MALRD1: variants seen among roughly 807,000 people sequenced by gnomAD.
MALRD1 encodes the protein MAM and LDL-receptor class A domain-containing protein 1.
A neutral mutation model predicts 242.1 loss-of-function variants in MALRD1; 247 were observed. That is an observed-to-expected ratio of 1.02 (90% CI 0.92 to 1.13). MALRD1 has a LOEUF of 1.13. Ranked by LOEUF, MALRD1 falls within the 50% of genes most tolerant of loss-of-function variation. The pLI, the probability that MALRD1 is intolerant of heterozygous loss-of-function variation, is 0.00. For missense variants in MALRD1, 2,989 were observed against 2,533.1 expected (o/e 1.18, Z -3.86); for synonymous variants, 995 against 866.6 (o/e 1.15, Z -2.60).
intron 33 of MALRD1, among the ~76,000 whole-genome samples, chr10:19,572,928 C>G (rs1020160371): frequency 1.3e-5 from 2 of 152,218 alleles, no homozygotes; most frequent in African/African-American, 4.8e-5. Flanking sequence ...ATTCAGACTT[C>G]TGGCCTCCAC....
At chr10:19,119,712 A>G (rs180837745) in intron 5 of MALRD1, among the ~76,000 whole-genome samples, 85 of 152,314 alleles carry the variant, frequency 5.6e-4, no homozygotes, top group African/African-American at 1.9e-3. Flanking sequence ...CTCCTAAACT[A>G]TAATTTCTAT....
chr10:19,271,503 G>A (rs909685197), intron 19 of MALRD1, among the ~76,000 whole-genome samples: 1 of 152,174 alleles, frequency 6.6e-6, no homozygotes, highest in African/African-American at 2.4e-5. Flanking sequence ...GGTGGCTCAT[G>A]CCTGTAATCC....
chr10:19,541,223 A>G (rs1237508565), intron 32 of MALRD1, among the ~76,000 whole-genome samples: 1 of 152,164 alleles, frequency 6.6e-6, no homozygotes, highest in Non-Finnish European at 1.5e-5. Context: ...CTTCATGGCC[A>G]TTGTTTTTAC....
intron 28 of MALRD1, among the ~76,000 whole-genome samples, chr10:19,424,541 A>G (rs1472274853): frequency 6.6e-6 from 1 of 152,218 alleles, no homozygotes; most frequent in Admixed American, 6.5e-5. Flanking sequence ...TTTTCTACAC[A>G]AAAACATACA....
At chr10:19,204,101 T>C (rs577635004) in intron 15 of MALRD1, among the ~76,000 whole-genome samples, 1 of 152,320 alleles carries the variant, frequency 6.6e-6, no homozygotes, top group South Asian at 2.1e-4. Flanking sequence ...AAATTACCAA[T>C]GGTCTTTGGT....
At chr10:19,701,630 A>G (rs1433859261) in intron 38 of MALRD1, among the ~76,000 whole-genome samples, 1 of 152,030 alleles carries the variant, frequency 6.6e-6, no homozygotes, top group East Asian at 1.9e-4. Context: ...AAAAAGGAGC[A>G]GGAGATAAAC....
At chr10:19,246,623 G>T (rs990626340) in intron 18 of MALRD1, among the ~76,000 whole-genome samples, 3 of 152,072 alleles carry the variant, frequency 2.0e-5, no homozygotes, top group African/African-American at 7.2e-5. Context: ...ACAAAAAATA[G>T]AACTCAGGCT....
intron 13 of MALRD1, among the ~76,000 whole-genome samples, chr10:19,173,169 G>A (rs1225977629): frequency 1.3e-5 from 2 of 151,812 alleles, no homozygotes; most frequent in Admixed American, 6.6e-5. Flanking sequence ...ATGTATAAAT[G>A]TACCACATAT....
At chr10:19,121,153 C>G (rs1324520007) in intron 5 of MALRD1, among the ~76,000 whole-genome samples, 1 of 147,584 alleles carries the variant, frequency 6.8e-6, no homozygotes, top group East Asian at 2.1e-4. Flanking sequence ...AAGCAATTCT[C>G]CTGCCTCAGA....
At chr10:19,200,490 A>C (rs1194073999) in intron 14 of MALRD1, among the ~76,000 whole-genome samples, 1 of 152,132 alleles carries the variant, frequency 6.6e-6, no homozygotes, top group Non-Finnish European at 1.5e-5. Context: ...TTACCAGCTC[A>C]GACTTCAGAC....
At chr10:19,494,028 C>T (rs956114118) in intron 30 of MALRD1, among the ~76,000 whole-genome samples, 1 of 152,058 alleles carries the variant, frequency 6.6e-6, no homozygotes, top group Non-Finnish European at 1.5e-5. Flanking sequence ...AAGAGGAGCC[C>T]ACACATTCAG....
At chr10:19,619,513 C>A (rs1839309561) in intron 36 of MALRD1, among the ~76,000 whole-genome samples, 1 of 151,830 alleles carries the variant, frequency 6.6e-6, no homozygotes, top group South Asian at 2.1e-4. Flanking sequence ...CAATTATGGT[C>A]ATTGAAAAAA....
intron 2 of MALRD1, among the ~76,000 whole-genome samples, chr10:19,073,217 T>G (rs1835210934): frequency 6.6e-6 from 1 of 152,112 alleles, no homozygotes; most frequent in Non-Finnish European, 1.5e-5. Flanking sequence ...ACCAGGCCTC[T>G]TAACCCATTT....
At chr10:19,133,618 G>A (rs1053094835) in intron 8 of MALRD1, among the ~76,000 whole-genome samples, 18 of 151,920 alleles carry the variant, frequency 1.2e-4, no homozygotes, top group African/African-American at 4.4e-4. Context: ...CCAAATTTTT[G>A]TTCCATCCTA....
intron 31 of MALRD1, among the ~76,000 whole-genome samples, chr10:19,501,655 T>C (rs1192746627): frequency 6.6e-6 from 1 of 152,100 alleles, no homozygotes; most frequent in Non-Finnish European, 1.5e-5. Context: ...GAGGATAGGA[T>C]AAAAGGATAC....
intron 18 of MALRD1, among the ~76,000 whole-genome samples, chr10:19,229,647 A>C (rs1247114062): frequency 6.6e-6 from 1 of 151,908 alleles, no homozygotes; most frequent in African/African-American, 2.4e-5. Context: ...CATTGCCCCC[A>C]TTTTTTCTTT....
chr10:19,153,651 T>G (rs1834021766), intron 11 of MALRD1, among the ~76,000 whole-genome samples: 1 of 151,290 alleles, frequency 6.6e-6, no homozygotes, highest in Non-Finnish European at 1.5e-5. Flanking sequence ...ATCATGCTAC[T>G]GCACTCTAGC....
At chr10:19,098,431 A>T (rs1006611222) in intron 4 of MALRD1, among the ~76,000 whole-genome samples, 12 of 152,218 alleles carry the variant, frequency 7.9e-5, no homozygotes, top group African/African-American at 2.7e-4. Context: ...TGAGCTTTGC[A>T]TTAAAAAATG....
intron 31 of MALRD1, among the ~76,000 whole-genome samples, chr10:19,516,198 C>G (rs1282919234): frequency 1.3e-5 from 2 of 152,002 alleles, no homozygotes; most frequent in African/African-American, 4.8e-5. Context: ...TTTTATTTAC[C>G]AAAGACTATC....
Sources: gnomAD v4.1 joint callset for allele counts (sites outside exome capture counted in the v4.1 genomes callset) on GRCh38, gnomAD v4.1.1 for gene constraint, MANE v1.5 for transcripts, NCBI Gene and HGNC (gene_info 2026-07-23, HGNC 2026-07-21) for gene names.